Variants in CNTN4 observed in about 807,000 individuals in gnomAD.
CNTN4 encodes the protein contactin-4.
In CNTN4, 77 loss-of-function variants were observed where a neutral mutation model predicts 122.5. The ratio of observed to expected loss-of-function variants is 0.63; its 90% confidence interval spans 0.52 to 0.76. The LOEUF (loss-of-function observed/expected upper bound fraction) is 0.76, where lower values mean the gene tolerates loss of function less well. CNTN4 is among the 30% of genes least tolerant of loss of function. The probability of loss-of-function intolerance (pLI) is 0.00; values close to 1 mark genes in which losing one functional copy is unlikely to be tolerated. For synonymous variants in CNTN4, 512 were observed against 447.0 expected (o/e 1.15, Z -1.83); for missense variants, 1,256 against 1,259.1 (o/e 1.00, Z 0.04).
At chr3:2,435,990 A>T (rs1307137245) in intron 3 of CNTN4, among the ~76,000 whole-genome samples, 1 of 152,194 alleles carries the variant, frequency 6.6e-6, no homozygotes, top group Non-Finnish European at 1.5e-5. Flanking sequence ...AACTGTTTAT[A>T]TCTCTATTAG....
intron 2 of CNTN4, among the ~76,000 whole-genome samples, chr3:2,187,886 A>G (rs950825756): frequency 6.6e-6 from 1 of 152,174 alleles, no homozygotes; most frequent in Non-Finnish European, 1.5e-5. Context: ...TAAAAAGGCC[A>G]GGATTGAGAT....
At chr3:2,630,291 T>C (rs912196497) in intron 4 of CNTN4, among the ~76,000 whole-genome samples, 1 of 151,998 alleles carries the variant, frequency 6.6e-6, no homozygotes, top group Non-Finnish European at 1.5e-5. Context: ...CAACAAAAAT[T>C]AGCCAGGCAT....
intron 2 of CNTN4, among the ~76,000 whole-genome samples, chr3:2,157,963 A>G (rs1437505569): frequency 6.6e-6 from 1 of 152,214 alleles, no homozygotes; most frequent in African/African-American, 2.4e-5. Context: ...CCAAATTAGG[A>G]AGGACAATTG....
chr3:2,834,639 G>A (rs750775660), intron 7 of CNTN4, among the ~76,000 whole-genome samples: 9 of 151,926 alleles, frequency 5.9e-5, no homozygotes, highest in Non-Finnish European at 8.8e-5. Context: ...ATAAAGATGA[G>A]CAAAAAAGCA....
intron 3 of CNTN4, among the ~76,000 whole-genome samples, chr3:2,471,383 A>T (rs967257088): frequency 6.6e-6 from 1 of 152,218 alleles, no homozygotes; most frequent in Non-Finnish European, 1.5e-5. Flanking sequence ...TATGGAAAGG[A>T]GAGAGTTAAA....
intron 3 of CNTN4, among the ~76,000 whole-genome samples, chr3:2,453,728 T>G (rs2048908739): frequency 6.6e-6 from 1 of 152,198 alleles, no homozygotes; most frequent in African/African-American, 2.4e-5. Context: ...CATTGAGAAT[T>G]CAGTTAAGAC....
intron 2 of CNTN4, among the ~76,000 whole-genome samples, chr3:2,298,550 C>G (rs1327173891): frequency 6.6e-6 from 1 of 152,096 alleles, no homozygotes; most frequent in Non-Finnish European, 1.5e-5. Flanking sequence ...GTCTCTCCGT[C>G]CATATATCTC....
In CNTN4 at chr3:3,009,992, T is replaced by G. The variant is rs112407474; in HGVS notation, c.1487-16110T>G. On this transcript the variant is annotated intron_variant, in intron 14 of 24. Transcript: ENST00000418658. ...AGAATATCTAGTACCTAGTCTCATT[T>G]GGAAGAACACAGAACTCAACAGCAG... Among the ~76,000 whole-genome samples, 36 of 150,768 alleles carry G rather than the reference T, an allele frequency of 2.4e-4. 1 individual carries two copies. Among genetic ancestry groups the G allele is most frequent in the African/African-American group, 8.0e-4 (33 of 41,496 alleles).
At chr3:2,190,839 C>T (rs954487561) in intron 2 of CNTN4, among the ~76,000 whole-genome samples, 2 of 147,746 alleles carry the variant, frequency 1.4e-5, no homozygotes, top group South Asian at 2.1e-4. Context: ...CACACATACA[C>T]ACACACACAT....
intron 13 of CNTN4, chr3:2,927,432 G>A (rs1269844769): frequency 4.9e-6 from 2 of 411,002 alleles, no homozygotes; most frequent in East Asian, 1.5e-4. Flanking sequence ...ACTTAGAAGT[G>A]CAACACTTGC....
intron 2 of CNTN4, among the ~76,000 whole-genome samples, chr3:2,238,250 G>C (rs1005549424): frequency 1.3e-5 from 2 of 152,182 alleles, no homozygotes; most frequent in Non-Finnish European, 2.9e-5. Flanking sequence ...TTGTATAACA[G>C]TTTTGATTAC....
intron 7 of CNTN4, among the ~76,000 whole-genome samples, chr3:2,833,723 A>AT (rs2093153664): frequency 6.6e-6 from 1 of 152,366 alleles, no homozygotes; most frequent in Admixed American, 6.5e-5. Context: ...TATTCAAAGG[A>AT]TTTGGAAAAT....
At chr3:2,830,983 A>G (rs2093091850) in intron 7 of CNTN4, among the ~76,000 whole-genome samples, 1 of 152,170 alleles carries the variant, frequency 6.6e-6, no homozygotes. Context: ...GATATTTACC[A>G]CTCTCAGGGA....
In CNTN4 at chr3:2,312,375, C is replaced by G. The variant is rs146117545; in HGVS notation, c.-144-26803C>G. Among the ~76,000 whole-genome samples the G allele has an allele frequency of 3.9e-5, 6 of 152,212 alleles. No individual in the cohort carries two copies. In the East Asian group the frequency reaches 1.2e-3, roughly 29 times the overall value. The stretch of plus-strand genomic sequence containing the variant: ...AATTAGGGCAATCAAACACTGCCAA[C>G]CAACATTTGACATACAGCATAAAAG... On this transcript the variant is annotated intron_variant, in intron 2 of 24. Coordinates refer to ENST00000418658, the MANE Select transcript of CNTN4 (RefSeq NM_175607.3).
At chr3:2,101,322 C>T (rs560220190) in intron 2 of CNTN4, among the ~76,000 whole-genome samples, 14 of 152,254 alleles carry the variant, frequency 9.2e-5, no homozygotes, top group African/African-American at 3.4e-4. Context: ...AAAAATAAAG[C>T]TGCTCAGCAG....
chr3:2,677,501 T>C (rs759798563), intron 4 of CNTN4, among the ~76,000 whole-genome samples: 33 of 146,736 alleles, frequency 2.2e-4, no homozygotes, highest in Non-Finnish European at 4.7e-4. Flanking sequence ...TATCTATCTA[T>C]CTATCTATCT....
At chr3:2,169,075 T>G (rs2036326134) in intron 2 of CNTN4, among the ~76,000 whole-genome samples, 1 of 152,184 alleles carries the variant, frequency 6.6e-6, no homozygotes, top group Non-Finnish European at 1.5e-5. Context: ...TTATTTAAAG[T>G]TCATGTTTTG....
At chr3:2,357,069 G>T (rs962000184) in intron 3 of CNTN4, among the ~76,000 whole-genome samples, 1 of 152,120 alleles carries the variant, frequency 6.6e-6, no homozygotes, top group Non-Finnish European at 1.5e-5. Context: ...AGCGCTTACA[G>T]ACCACTTAGG....
intron 3 of CNTN4, chr3:2,362,559 G>T: frequency 1.7e-6 from 1 of 602,546 alleles, no homozygotes. Flanking sequence ...GGATTAACCA[G>T]GCTGAAGAAG....
Sources: allele counts gnomAD v4.1 joint callset (sites outside exome capture counted in the v4.1 genomes callset), GRCh38; gene constraint gnomAD v4.1.1; transcripts MANE v1.5; gene names NCBI Gene and HGNC (gene_info 2026-07-23, HGNC 2026-07-21).